Variants in ADGRL3 observed in about 807,000 individuals in gnomAD.
The protein encoded by ADGRL3 is adhesion G protein-coupled receptor L3.
In ADGRL3, 62 loss-of-function variants were observed where a neutral mutation model predicts 153.5. The observed-to-expected ratio is 0.40, with a 90% CI of 0.33 to 0.50. The LOEUF (loss-of-function observed/expected upper bound fraction) is 0.50, where lower values mean the gene tolerates loss of function less well. Among genes scored for constraint, ADGRL3 ranks in the 20% least tolerant of loss-of-function variants. The probability of loss-of-function intolerance (pLI) is 0.47; values close to 1 mark genes in which losing one functional copy is unlikely to be tolerated. For missense variants in ADGRL3, 1,641 were observed against 1,859.4 expected, an observed-to-expected ratio of 0.88 and a Z score of 2.16; for synonymous variants, 710 against 672.5, an observed-to-expected ratio of 1.06 and a Z score of -0.86.
intron 5 of ADGRL3, among the ~76,000 whole-genome samples, chr4:61,608,178 T>TA (rs2099039870): frequency 2.6e-5 from 4 of 152,230 alleles, no homozygotes; most frequent in African/African-American, 7.2e-5. Flanking sequence ...GACTGCCTCC[T>TA]ACCAGCTTCC....
In ADGRL3 at chr4:61,416,180, T is replaced by C. The variant is rs187961653; in HGVS notation, c.-174+32991T>C. ...AAAAATGCTATATGACATTGTTAAT[T>C]TGAAATTATTTCAGCATATTTTTAC... is the stretch of plus-strand genomic sequence containing the variant. On this transcript the variant is annotated intron_variant, in intron 2 of 26. Transcript: ENST00000683033. Among the ~76,000 whole-genome samples the C allele has an allele frequency of 3.9e-3, 594 of 152,226 alleles. 4 individuals are homozygous for C. The highest frequency in any genetic ancestry group is 0.013 in the African/African-American group (557 of 41,544).
chr4:61,618,304 T>C (rs76794454), intron 5 of ADGRL3, among the ~76,000 whole-genome samples: 24 of 152,346 alleles, frequency 1.6e-4, no homozygotes, highest in Middle Eastern at 3.4e-3. Context: ...TTAATGCTTG[T>C]TTCAAAATGT....
chr4:61,587,553 C>T (rs983082598), intron 5 of ADGRL3, 113 bp downstream of exon 5: 1 of 797,286 alleles, frequency 1.3e-6, no homozygotes, highest in African/African-American at 1.7e-5. Context: ...TAGGACACTT[C>T]AAAATAGTTT....
intron 1 of ADGRL3, among the ~76,000 whole-genome samples, chr4:61,228,284 T>C (rs1411994439): frequency 6.6e-6 from 1 of 152,190 alleles, no homozygotes; most frequent in Non-Finnish European, 1.5e-5. Context: ...ATGTTACCAT[T>C]TGAGAAAAGG....
chr4:62,045,737 G>A (rs1050101427), intron 25 of ADGRL3, among the ~76,000 whole-genome samples: 1 of 151,922 alleles, frequency 6.6e-6, no homozygotes, highest in Non-Finnish European at 1.5e-5. Context: ...CTATAAACTA[G>A]TGATGATTTA....
intron 22 of ADGRL3, among the ~76,000 whole-genome samples, chr4:62,029,147 A>G (rs1365440195): frequency 4.0e-5 from 6 of 151,770 alleles, no homozygotes; most frequent in Non-Finnish European, 5.9e-5. Flanking sequence ...TTCCTGTGGT[A>G]CAGACTTGTT....
At chr4:61,930,473 A>G (rs1199605930) in intron 13 of ADGRL3, among the ~76,000 whole-genome samples, 1 of 152,204 alleles carries the variant, frequency 6.6e-6, no homozygotes, top group East Asian at 1.9e-4. Context: ...AAAAATATGT[A>G]GCAGTTTTTC....
In ADGRL3 at chr4:61,909,599, C is replaced by T; in HGVS notation, c.1927C>T (p.Leu643=). The change falls in exon 12 of 27, where the codon CTG becomes TTG. Residue 643 remains leucine (L), a synonymous_variant. Transcript: ENST00000683033. ...AACAGCTGCCAACATTGCTAGAGAG[C>T]TGGCTGAACAGACAAGAAATCACTT... ...GETAANIARE[L]AEQTRNHLNA... 1 of 1,613,248 alleles carries T rather than the reference C, an allele frequency of 6.2e-7. No individual in the cohort carries two copies. Among genetic ancestry groups the T allele is most frequent in the Non-Finnish European group, 8.5e-7 (1 of 1,179,588 alleles).
chr4:61,452,179 C>A (rs2152524721), intron 2 of ADGRL3, among the ~76,000 whole-genome samples: 1 of 152,252 alleles, frequency 6.6e-6, no homozygotes. Flanking sequence ...GGAGGCCTTC[C>A]TCCAATGAGT....
rs1581516231 is a variant in ADGRL3, at chr4:61,931,810, A to G, written c.2113-3030A>G. Among the ~76,000 whole-genome samples the G allele has an allele frequency of 2.0e-5, 3 of 152,150 alleles. No individual in the cohort carries two copies. In the South Asian group the frequency reaches 6.2e-4, roughly 32 times the overall value. On this transcript the variant is annotated intron_variant, in intron 13 of 26. Transcript: ENST00000683033. ...CCCTAAAGACTGCCTTATCTTGAAGAATACACTTGTTGAAAACTTATAACT... is the reference window on the plus strand; with the variant it reads ...CCCTAAAGACTGCCTTATCTTGAAGGATACACTTGTTGAAAACTTATAACT...
chr4:61,694,208 T>G, intron 6 of ADGRL3, among the ~76,000 whole-genome samples: 1 of 133,836 alleles, frequency 7.5e-6, no homozygotes, highest in African/African-American at 2.8e-5. Flanking sequence ...TTTTTTTTTT[T>G]TTTTTTTTTT....
chr4:61,250,492 T>C (rs1229338499), intron 1 of ADGRL3, among the ~76,000 whole-genome samples: 1 of 152,198 alleles, frequency 6.6e-6, no homozygotes, highest in African/African-American at 2.4e-5. Context: ...GGGCCTGATC[T>C]GATGGCCTTG....
chr4:61,513,473 A>G (rs529673445), intron 3 of ADGRL3, among the ~76,000 whole-genome samples: 6 of 152,158 alleles, frequency 3.9e-5, no homozygotes, highest in Non-Finnish European at 7.4e-5. Context: ...ATTCTGGAAC[A>G]GTGATGCTCT....
At chr4:61,416,965 G>C (rs1253728448) in intron 2 of ADGRL3, among the ~76,000 whole-genome samples, 1 of 152,118 alleles carries the variant, frequency 6.6e-6, no homozygotes, top group Non-Finnish European at 1.5e-5. Context: ...GATAGTGACA[G>C]ATCATCAGGC....
intron 8 of ADGRL3, among the ~76,000 whole-genome samples, chr4:61,783,544 G>A (rs1355184001): frequency 6.6e-6 from 1 of 152,018 alleles, no homozygotes; most frequent in Non-Finnish European, 1.5e-5. Flanking sequence ...AAGGTTCTTT[G>A]CTGAATGAGT....
At position 61,619,516 on chromosome 4, in the gene ADGRL3, TACAC is replaced by T. The variant is rs34015455; in HGVS notation, c.473+32105_473+32108del. ...TGCTAGGTTTTTGGAGAATGTGAGATACACACACACACACACACACACACACACA... is the reference window on the plus strand; with the variant it reads ...TGCTAGGTTTTTGGAGAATGTGAGATACACACACACACACACACACACACA... On this transcript the variant is annotated intron_variant, in intron 5 of 26. Transcript: ENST00000683033. Among the ~76,000 whole-genome samples, 791 of 149,508 alleles carry T rather than the reference TACAC, an allele frequency of 5.3e-3. 7 individuals are homozygous for T. The East Asian group carries it at 0.057, about 11-fold the overall frequency.
intron 2 of ADGRL3, among the ~76,000 whole-genome samples, chr4:61,448,349 A>G (rs1251093909): frequency 6.6e-6 from 1 of 152,180 alleles, no homozygotes; most frequent in Non-Finnish European, 1.5e-5. Flanking sequence ...AATGAGAGAT[A>G]AAATACTGCG....
chr4:61,640,596 T>G (rs2093621798), intron 5 of ADGRL3, among the ~76,000 whole-genome samples: 1 of 152,230 alleles, frequency 6.6e-6, no homozygotes, highest in Admixed American at 6.5e-5. Flanking sequence ...AACTATGTTT[T>G]GTTCATTTAT....
At chr4:61,967,176 G>A (rs1354185629) in intron 17 of ADGRL3, among the ~76,000 whole-genome samples, 1 of 152,030 alleles carries the variant, frequency 6.6e-6, no homozygotes, top group Non-Finnish European at 1.5e-5. Context: ...TCTGTCTTCT[G>A]ATCCAGACAT....
Sources: gnomAD v4.1 joint callset for allele counts (sites outside exome capture counted in the v4.1 genomes callset) on GRCh38, gnomAD v4.1.1 for gene constraint, MANE v1.5 for transcripts, NCBI Gene and HGNC (gene_info 2026-07-23, HGNC 2026-07-21) for gene names.